AGBL4: variants seen among roughly 807,000 people sequenced by gnomAD.
AGBL4 encodes the protein AGBL carboxypeptidase 4, also known as cytosolic carboxypeptidase 6.
Under a neutral mutation model 66.4 loss-of-function variants are expected in AGBL4, and 58 were observed. The ratio of observed to expected loss-of-function variants is 0.87; its 90% CI spans 0.71 to 1.09. The LOEUF is 1.09. Ranked by LOEUF, AGBL4 falls within the 50% of genes least tolerant of loss-of-function variation. The pLI, the probability that AGBL4 is intolerant of heterozygous loss-of-function variation, is 0.00. For missense variants in AGBL4, 579 were observed against 631.0 expected (o/e 0.92, Z 0.88); for synonymous variants, 234 against 222.9 (o/e 1.05, Z -0.44).
At chr1:49,391,857 G>T (rs1486915685) in intron 3 of AGBL4, among the ~76,000 whole-genome samples, 1 of 152,014 alleles carries the variant, frequency 6.6e-6, no homozygotes, top group Admixed American at 6.6e-5. Context: ...CAACCATGAG[G>T]TTTTGAACTT....
At chr1:48,634,310 G>T (rs1487074251) in intron 9 of AGBL4, 183 bp downstream of exon 9, 1 of 478,810 alleles carries the variant, frequency 2.1e-6, no homozygotes, top group African/African-American at 2.0e-5. Flanking sequence ...AGAGGTTGCA[G>T]GAAAAGAGAT....
At chr1:49,033,709 T>G (rs1265287361) in intron 5 of AGBL4, among the ~76,000 whole-genome samples, 1 of 152,114 alleles carries the variant, frequency 6.6e-6, no homozygotes, top group African/African-American at 2.4e-5. Context: ...ATCTTTACAT[T>G]TGCTCAATCT....
At chr1:48,691,173 A>AC (rs1646625466) in intron 6 of AGBL4, among the ~76,000 whole-genome samples, 2 of 149,748 alleles carry the variant, frequency 1.3e-5, no homozygotes, top group African/African-American at 4.9e-5. Context: ...AAAAAAAAAA[A>AC]AACACATATA....
chr1:48,951,807 T>C (rs1657011813), intron 5 of AGBL4, among the ~76,000 whole-genome samples: 1 of 152,222 alleles, frequency 6.6e-6, no homozygotes, highest in African/African-American at 2.4e-5. Flanking sequence ...TCAACTGTGA[T>C]TAGTATTTTT....
intron 4 of AGBL4, among the ~76,000 whole-genome samples, chr1:49,191,165 AAAG>A (rs1274981493): frequency 6.6e-6 from 1 of 152,248 alleles, no homozygotes; most frequent in East Asian, 1.9e-4. Context: ...ACTCAGATAC[AAAG>A]AAGGTCCTGT....
chr1:49,589,513 C>A (rs768477410), intron 3 of AGBL4, among the ~76,000 whole-genome samples: 1 of 151,908 alleles, frequency 6.6e-6, no homozygotes, highest in Admixed American at 6.6e-5. Context: ...TATTTTAGGA[C>A]TTCAAAGTAT....
chr1:49,911,844 C>G (rs112694652), intron 1 of AGBL4, among the ~76,000 whole-genome samples: 1 of 152,196 alleles, frequency 6.6e-6, no homozygotes, highest in African/African-American at 2.4e-5. Flanking sequence ...CTCACCTACC[C>G]CCTTACATTG....
intron 1 of AGBL4, among the ~76,000 whole-genome samples, chr1:49,859,266 CAGATGAAGACATTAAACA>C (rs1646510431): frequency 6.6e-6 from 1 of 152,122 alleles, no homozygotes; most frequent in Non-Finnish European, 1.5e-5. Context: ...AATTACTAAG[CAGATGAAGACATTAAACA>C]AGAAGAAAAC....
chr1:49,999,490 A>T (rs1243265411), intron 1 of AGBL4, among the ~76,000 whole-genome samples: 3 of 152,180 alleles, frequency 2.0e-5, no homozygotes, highest in Non-Finnish European at 4.4e-5. Context: ...AATACTGCAA[A>T]ACTGACCATA....
chr1:49,627,064 T>C (rs1645478285), intron 3 of AGBL4, among the ~76,000 whole-genome samples: 2 of 152,132 alleles, frequency 1.3e-5, no homozygotes, highest in African/African-American at 4.8e-5. Flanking sequence ...AAATTGCCAA[T>C]GTTGGAAACA....
intron 2 of AGBL4, among the ~76,000 whole-genome samples, chr1:49,704,569 C>T (rs1647166030): frequency 6.6e-6 from 1 of 151,862 alleles, no homozygotes; most frequent in Admixed American, 6.6e-5. Flanking sequence ...TAGGTCTTAC[C>T]TTTAAATTTT....
intron 3 of AGBL4, among the ~76,000 whole-genome samples, chr1:49,573,897 T>G (rs1041550585): frequency 2.6e-5 from 4 of 152,156 alleles, no homozygotes; most frequent in African/African-American, 9.7e-5. Context: ...AAGGAACAGC[T>G]TCCCCAACCC....
rs193100243 is a variant in AGBL4, at chr1:49,484,181, A to G, written c.282+213132T>C. Among the ~76,000 whole-genome samples the G allele has an allele frequency of 1.8e-3, 280 of 152,116 alleles. 2 individuals are homozygous for G. Among genetic ancestry groups the G allele is most frequent in the African/African-American group, 6.4e-3 (265 of 41,518 alleles). On this transcript the variant is annotated intron_variant, in intron 3 of 13. Transcript: ENST00000371839. Reference sequence around the variant, plus strand: ...AAATTAGTACAACCACTGAGAAAAAACGGTTTGGAAGTTCTTCAGAAACTA... The same window carrying G: ...AAATTAGTACAACCACTGAGAAAAAGCGGTTTGGAAGTTCTTCAGAAACTA...
intron 5 of AGBL4, among the ~76,000 whole-genome samples, chr1:48,970,241 C>T (rs1658794554): frequency 6.6e-6 from 1 of 152,168 alleles, no homozygotes; most frequent in African/African-American, 2.4e-5. Flanking sequence ...TCCTTCACAG[C>T]ACTGCAGCCC....
chr1:49,201,075 C>T (rs1647661383), intron 4 of AGBL4, among the ~76,000 whole-genome samples: 1 of 152,168 alleles, frequency 6.6e-6, no homozygotes, highest in African/African-American at 2.4e-5. Flanking sequence ...AAGAGGGAGA[C>T]TAAATCTATA....
rs376584527 is a variant in AGBL4 at position 49,349,895 on chromosome 1, C to T, written c.283-104031G>A. Among the ~76,000 whole-genome samples, 53 of 152,262 alleles carry T rather than the reference C, an allele frequency of 3.5e-4. 1 individual carries two copies. In the South Asian group the frequency reaches 9.8e-3, roughly 28 times the overall value. On this transcript the variant is annotated intron_variant, in intron 3 of 13. Transcript: ENST00000371839. Reference sequence around the variant, plus strand: ...GATACGCATGTGCACAGAGAAAAGACCACATGAAGACTGGGAGAAGACAGC... The same window carrying T: ...GATACGCATGTGCACAGAGAAAAGATCACATGAAGACTGGGAGAAGACAGC...
At chr1:48,551,561 A>C (rs1308216902) in intron 11 of AGBL4, among the ~76,000 whole-genome samples, 1 of 152,090 alleles carries the variant, frequency 6.6e-6, no homozygotes, top group Non-Finnish European at 1.5e-5. Context: ...TAGGGAGAAA[A>C]AGCAAGACAA....
At chr1:48,534,980 A>C in intron 12 of AGBL4, 64 bp from the exon 13 acceptor site, 5 of 1,427,196 alleles carry the variant, frequency 3.5e-6, no homozygotes, top group Non-Finnish European at 4.8e-6. Context: ...GAAGTTGAAG[A>C]GGTGCTATTC....
rs573886664 is a variant in AGBL4 at position 49,513,229 on chromosome 1, G to A, written c.282+184084C>T. On this transcript the variant is annotated intron_variant, in intron 3 of 13. Transcript: ENST00000371839. ...TTTCTCCTTAAATTCAGACTCCTCC[G>A]ATATTAATCCAAATTAATAATGTTT... Among the ~76,000 whole-genome samples, 170 of 152,048 alleles carry A rather than the reference G, an allele frequency of 1.1e-3. 1 individual carries two copies. The South Asian group carries it at 0.034, about 30-fold the overall frequency.
Sources: gnomAD v4.1 joint callset for allele counts (sites outside exome capture counted in the v4.1 genomes callset) on GRCh38, gnomAD v4.1.1 for gene constraint, MANE v1.5 for transcripts, NCBI Gene and HGNC (gene_info 2026-07-23, HGNC 2026-07-21) for gene names.